The following DLG2 variants were observed in gnomAD, a reference collection of about 807,000 sequenced individuals.
DLG2 encodes disks large homolog 2.
DLG2 carries 45 observed loss-of-function variants against 132.5 expected under a neutral mutation model. That is an observed-to-expected ratio of 0.34 (90% CI 0.27 to 0.44). The LOEUF is 0.44. Among genes scored for constraint, DLG2 ranks in the 20% least tolerant of loss-of-function variants. DLG2 has a pLI of 1.00. For missense variants in DLG2, 1,045 were observed against 1,196.9 expected (o/e 0.87, Z 1.87); for synonymous variants, 424 against 419.6 (o/e 1.01, Z -0.13).
At chr11:85,555,483 T>C (rs2076890030) in intron 3 of DLG2, among the ~76,000 whole-genome samples, 1 of 151,916 alleles carries the variant, frequency 6.6e-6, no homozygotes, top group Admixed American at 6.6e-5. Context: ...TGACCACTCC[T>C]AATTAAAAGA....
At chr11:85,617,815 CCT>C (rs1439242679) in intron 2 of DLG2, among the ~76,000 whole-genome samples, 1 of 152,098 alleles carries the variant, frequency 6.6e-6, no homozygotes, top group Non-Finnish European at 1.5e-5. Context: ...ATGATAAGCC[CCT>C]GATAGAAGCT....
At chr11:84,023,551 T>C (rs1470375521) in intron 11 of DLG2, among the ~76,000 whole-genome samples, 3 of 152,158 alleles carry the variant, frequency 2.0e-5, no homozygotes, top group Non-Finnish European at 2.9e-5. Context: ...CTCTATATAA[T>C]AGTACAGTTG....
At chr11:84,840,180 G>T (rs1192953416) in intron 6 of DLG2, among the ~76,000 whole-genome samples, 1 of 152,052 alleles carries the variant, frequency 6.6e-6, no homozygotes, top group Non-Finnish European at 1.5e-5. Context: ...GGGGGGAAAG[G>T]ATATGAACAG....
chr11:83,830,825 C>T (rs1304596605), intron 17 of DLG2, among the ~76,000 whole-genome samples: 1 of 152,202 alleles, frequency 6.6e-6, no homozygotes, highest in Non-Finnish European at 1.5e-5. Context: ...CCTATCCTGC[C>T]ACTTAGAATG....
At chr11:85,423,561 T>C (rs763625374) in intron 3 of DLG2, among the ~76,000 whole-genome samples, 5 of 152,104 alleles carry the variant, frequency 3.3e-5, no homozygotes, top group Admixed American at 6.5e-5. Context: ...GGAAGAGGGC[T>C]AGGTGTGTCT....
chr11:85,273,217 C>A (rs2077656982), intron 4 of DLG2, among the ~76,000 whole-genome samples: 1 of 152,088 alleles, frequency 6.6e-6, no homozygotes, highest in Admixed American at 6.5e-5. Context: ...GACTAAAACA[C>A]CAAAAGCAAT....
intron 6 of DLG2, among the ~76,000 whole-genome samples, chr11:85,063,474 C>T (rs1194635082): frequency 1.3e-5 from 2 of 151,780 alleles, no homozygotes; most frequent in East Asian, 3.9e-4. Context: ...CTTTATGGGG[C>T]TCCTAGAAAT....
chr11:84,139,243 G>A (rs1235925511), intron 9 of DLG2, among the ~76,000 whole-genome samples: 1 of 152,042 alleles, frequency 6.6e-6, no homozygotes, highest in Non-Finnish European at 1.5e-5. Context: ...CCACAGAGGT[G>A]ATCAATTTAC....
chr11:85,460,262 T>A (rs562903084), intron 3 of DLG2, among the ~76,000 whole-genome samples: 1 of 152,268 alleles, frequency 6.6e-6, no homozygotes, highest in South Asian at 2.1e-4. Flanking sequence ...AATGCTGGGA[T>A]ACCTAGGAAT....
intron 6 of DLG2, among the ~76,000 whole-genome samples, chr11:84,836,910 G>T (rs748852484): frequency 3.2e-4 from 48 of 151,826 alleles, no homozygotes; most frequent in Non-Finnish European, 4.6e-4. Flanking sequence ...TGCACAACGT[G>T]CAGGTTTGTT....
At chr11:85,357,601 T>C (rs945453481) in intron 3 of DLG2, among the ~76,000 whole-genome samples, 19 of 141,798 alleles carry the variant, frequency 1.3e-4, no homozygotes, top group African/African-American at 5.0e-4. Flanking sequence ...TAAAAGTCAA[T>C]AGTGGCTAAA....
At chr11:84,925,738 C>A (rs1262677331) in intron 6 of DLG2, among the ~76,000 whole-genome samples, 1 of 152,134 alleles carries the variant, frequency 6.6e-6, no homozygotes, top group Non-Finnish European at 1.5e-5. Flanking sequence ...TGGAAAATCA[C>A]TTCCATGCCA....
chr11:85,499,578 C>G (rs1219977588), intron 3 of DLG2, among the ~76,000 whole-genome samples: 1 of 152,132 alleles, frequency 6.6e-6, no homozygotes, highest in Non-Finnish European at 1.5e-5. Flanking sequence ...AGAGGGAATC[C>G]TCCCTAACTC....
In DLG2 at chr11:85,212,710, C is replaced by A. The variant is rs551729266; in HGVS notation, c.187-58059G>T. Reference sequence around the variant, plus strand: ...TCTCCTTATTTTCCCTCACTATAATCTTTAAGTGCTAGGCAACTAAGGCAT... The same window carrying A: ...TCTCCTTATTTTCCCTCACTATAATATTTAAGTGCTAGGCAACTAAGGCAT... On this transcript the variant is annotated intron_variant, in intron 4 of 27. Coordinates refer to ENST00000376104, the MANE Select transcript of DLG2 (RefSeq NM_001142699.3). 9.9e-5 allele frequency among the ~76,000 whole-genome samples: 15 copies of A among 152,250 alleles called. No individual in the cohort carries two copies. The South Asian group carries it at 3.1e-3, about 32-fold the overall frequency.
At chr11:84,897,298 T>C (rs935722877) in intron 6 of DLG2, among the ~76,000 whole-genome samples, 3 of 151,954 alleles carry the variant, frequency 2.0e-5, no homozygotes, top group Non-Finnish European at 4.4e-5. Flanking sequence ...CACTACATAG[T>C]ATCCATTGTA....
chr11:84,714,212 T>C (rs2510469), intron 6 of DLG2, among the ~76,000 whole-genome samples: 2 of 151,904 alleles, frequency 1.3e-5, no homozygotes, highest in African/African-American at 2.4e-5. Flanking sequence ...GGTCAACCTT[T>C]GGCAATATTC....
chr11:84,691,149 G>A (rs780177436), intron 6 of DLG2, among the ~76,000 whole-genome samples: 1 of 151,722 alleles, frequency 6.6e-6, no homozygotes, highest in Non-Finnish European at 1.5e-5. Context: ...AGGTCTCCAT[G>A]ATATTCTCCA....
chr11:83,819,073 CAG>C (rs200925885), intron 17 of DLG2, among the ~76,000 whole-genome samples: 1,665 of 152,276 alleles, frequency 0.011, 8 homozygotes, highest in Non-Finnish European at 0.017. Flanking sequence ...TTCTCAATTA[CAG>C]AGTCTACTGA....
intron 8 of DLG2, among the ~76,000 whole-genome samples, chr11:84,190,740 G>A (rs1410175573): frequency 6.6e-6 from 1 of 152,176 alleles, no homozygotes; most frequent in Non-Finnish European, 1.5e-5. Context: ...GAGCTAAAAG[G>A]AAAGGGTAGT....
Sources: gnomAD v4.1 joint callset for allele counts (sites outside exome capture counted in the v4.1 genomes callset) on GRCh38, gnomAD v4.1.1 for gene constraint, MANE v1.5 for transcripts, NCBI Gene and HGNC (gene_info 2026-07-23, HGNC 2026-07-21) for gene names.